The following ARHGAP6 variants were observed in gnomAD, a reference collection of about 807,000 sequenced individuals.
The protein encoded by ARHGAP6 is Rho GTPase activating protein 6, also known as rho GTPase-activating protein 6.
A neutral mutation model predicts 55.7 loss-of-function variants in ARHGAP6; 16 were observed. That is an observed-to-expected ratio of 0.29 (90% CI 0.19 to 0.44). The LOEUF (loss-of-function observed/expected upper bound fraction) is 0.44. ARHGAP6 is among the 20% of genes least tolerant of loss of function. ARHGAP6 has a pLI of 1.00. For missense variants in ARHGAP6, 698 were observed against 808.9 expected (o/e 0.86, Z 1.66); for synonymous variants, 382 against 360.9 (o/e 1.06, Z -0.66).
At chrX:11,198,055 G>A (rs1263722781) in intron 2 of ARHGAP6, among the ~76,000 whole-genome samples, 1 of 111,909 alleles carries the variant, frequency 8.9e-6, no homozygotes, top group Non-Finnish European at 1.9e-5. Flanking sequence ...TTAAAAGCAA[G>A]ACTATAATAT....
At chrX:11,383,136 G>A (rs2147725690) in intron 1 of ARHGAP6, among the ~76,000 whole-genome samples, 1 of 112,133 alleles carries the variant, frequency 8.9e-6, no homozygotes, top group Non-Finnish European at 1.9e-5. Flanking sequence ...AATAAGGCGT[G>A]TATTTTTAAG....
intron 1 of ARHGAP6, among the ~76,000 whole-genome samples, chrX:11,652,665 C>A (rs1038061130): frequency 9.0e-6 from 1 of 111,729 alleles, no homozygotes; most frequent in Non-Finnish European, 1.9e-5. Context: ...ACCAGAGAGG[C>A]AGAATTTGTC....
At chrX:11,232,166 A>G (rs1464962906) in intron 2 of ARHGAP6, among the ~76,000 whole-genome samples, 1 of 111,728 alleles carries the variant, frequency 9.0e-6, no homozygotes. Flanking sequence ...TGTGCTATTG[A>G]ACCCTAGAAC....
intron 1 of ARHGAP6, among the ~76,000 whole-genome samples, chrX:11,347,425 C>G (rs5933877): frequency 9.0e-6 from 1 of 111,528 alleles, no homozygotes; most frequent in Non-Finnish European, 1.9e-5. Flanking sequence ...TGAGACCTTA[C>G]TGACATTCTT....
chrX:11,354,940 A>G (rs1422366687), intron 1 of ARHGAP6, among the ~76,000 whole-genome samples: 1 of 111,797 alleles, frequency 8.9e-6, no homozygotes, highest in Admixed American at 9.6e-5. Flanking sequence ...TTAAAATACA[A>G]TTGTAATTTA....
rs763888884 is a variant in ARHGAP6, at chrX:11,146,599, G to A, written c.1908-2351C>T. 1.8e-3 allele frequency among the ~76,000 whole-genome samples: 202 copies of A among 112,609 alleles called. 1 individual carries two copies. The highest frequency in any genetic ancestry group is 6.4e-3 in the African/African-American group (198 of 30,989). ...AATATCCCCTTGGCCTGTGAGGAGA[G>A]TAAAAGTTAATATTTATACAGAGTT... On this transcript the variant is annotated intron_variant, in intron 10 of 12. Coordinates refer to ENST00000337414, the MANE Select transcript of ARHGAP6 (RefSeq NM_013427.3).
At chrX:11,300,336 C>G (rs2048154596) in intron 1 of ARHGAP6, among the ~76,000 whole-genome samples, 1 of 111,110 alleles carries the variant, frequency 9.0e-6, no homozygotes, top group African/African-American at 3.3e-5. Context: ...AGCTTGGAGC[C>G]TGACATGCAA....
rs766486044 is a variant in ARHGAP6 at position 11,543,713 on chromosome X, T to C, written c.588+120528A>G. Among the ~76,000 whole-genome samples, 3 of 112,122 alleles carry C rather than the reference T, an allele frequency of 2.7e-5. No individual in the cohort carries two copies. The East Asian group carries it at 8.4e-4, about 31-fold the overall frequency. On this transcript the variant is annotated intron_variant, in intron 1 of 12. Transcript: ENST00000337414. The stretch of plus-strand genomic sequence containing the variant: ...AAGTGACATTGCCACTAGACAAAGC[T>C]GAGTTTGGACCCGAGACTGTCTGAC...
intron 1 of ARHGAP6, among the ~76,000 whole-genome samples, chrX:11,423,975 T>C (rs1035256805): frequency 2.7e-5 from 3 of 112,612 alleles, no homozygotes; most frequent in Non-Finnish European, 3.8e-5. Flanking sequence ...AGATATTGCA[T>C]TGAACTTAAT....
intron 1 of ARHGAP6, among the ~76,000 whole-genome samples, chrX:11,559,960 A>AATT (rs2051367526): frequency 9.4e-6 from 1 of 106,869 alleles, no homozygotes; most frequent in South Asian, 4.1e-4. Flanking sequence ...TAATAATAAT[A>AATT]ATAAAGTAGG....
chrX:11,347,192 C>T (rs1394987667), intron 1 of ARHGAP6, among the ~76,000 whole-genome samples: 6 of 112,031 alleles, frequency 5.4e-5, no homozygotes, highest in Middle Eastern at 4.7e-3. Flanking sequence ...CACAGCTGTA[C>T]GCTAGAGAAA....
chrX:11,170,716 A>G (rs1444266339), intron 8 of ARHGAP6, among the ~76,000 whole-genome samples: 1 of 111,486 alleles, frequency 9.0e-6, no homozygotes, highest in African/African-American at 3.3e-5. Context: ...AGGATAATGC[A>G]GAGGGTAAGG....
In ARHGAP6 at chrX:11,388,499, T is replaced by C. The variant is rs2049360380; in HGVS notation, c.589-133792A>G. On this transcript the variant is annotated intron_variant, in intron 1 of 12. Coordinates refer to ENST00000337414, the MANE Select transcript of ARHGAP6 (RefSeq NM_013427.3). ...ATTGCAAAAATTTTCTCCCGTTTTGTAGGTTGCCTGTTCACTCTGATGGTA... is the reference window on the plus strand; with the variant it reads ...ATTGCAAAAATTTTCTCCCGTTTTGCAGGTTGCCTGTTCACTCTGATGGTA... 3.6e-5 allele frequency among the ~76,000 whole-genome samples: 4 copies of C among 112,202 alleles called. No individual in the cohort carries two copies. In the South Asian group the frequency reaches 1.5e-3, roughly 42 times the overall value.
intron 1 of ARHGAP6, among the ~76,000 whole-genome samples, chrX:11,483,934 A>T (rs1159454803): frequency 9.0e-6 from 1 of 111,691 alleles, no homozygotes; most frequent in Non-Finnish European, 1.9e-5. Context: ...TCTTATACTA[A>T]TGTTAATTCT....
rs188396277 is a variant in ARHGAP6 at position 11,638,515 on chromosome X, C to A, written c.588+25726G>T. Among the ~76,000 whole-genome samples, 4 of 111,423 alleles carry A rather than the reference C, an allele frequency of 3.6e-5. No homozygotes were observed. In the East Asian group the frequency reaches 1.1e-3, roughly 31 times the overall value. On this transcript the variant is annotated intron_variant, in intron 1 of 12. Coordinates refer to ENST00000337414, the MANE Select transcript of ARHGAP6 (RefSeq NM_013427.3). Reference sequence around the variant, plus strand: ...ACTGTCATCTGAAATTCATTCTATACCCCCTATTAAAATCTCTACTTGTTT... The same window carrying A: ...ACTGTCATCTGAAATTCATTCTATAACCCCTATTAAAATCTCTACTTGTTT...
intron 1 of ARHGAP6, among the ~76,000 whole-genome samples, chrX:11,468,490 T>C (rs1314900466): frequency 1.8e-5 from 2 of 112,044 alleles, no homozygotes; most frequent in Non-Finnish European, 3.8e-5. Context: ...GTTCTAGCCA[T>C]CACGTCCTTC....
intron 8 of ARHGAP6, among the ~76,000 whole-genome samples, chrX:11,172,207 C>G: frequency 9.0e-6 from 1 of 111,380 alleles, no homozygotes. Flanking sequence ...TTTTAGAAGG[C>G]AAGGCTGTTT....
intron 1 of ARHGAP6, among the ~76,000 whole-genome samples, chrX:11,343,358 TG>T (rs994630159): frequency 2.7e-5 from 3 of 112,440 alleles, no homozygotes; most frequent in African/African-American, 9.7e-5. Context: ...CTCTTAGAAG[TG>T]GGAGCAAAAG....
intron 1 of ARHGAP6, among the ~76,000 whole-genome samples, chrX:11,522,598 C>A (rs1393063140): frequency 9.0e-6 from 1 of 111,679 alleles, no homozygotes; most frequent in African/African-American, 3.3e-5. Context: ...TCAGAGAATA[C>A]TATAAACACC....
Sources: gnomAD v4.1 joint callset for allele counts (sites outside exome capture counted in the v4.1 genomes callset) on GRCh38, gnomAD v4.1.1 for gene constraint, MANE v1.5 for transcripts, NCBI Gene and HGNC (gene_info 2026-07-23, HGNC 2026-07-21) for gene names.